The following DNAH14 variants were observed in gnomAD, a reference collection of about 807,000 sequenced individuals.
DNAH14 encodes the protein axonemal beta dynein heavy chain 14.
Under a neutral mutation model 520.9 loss-of-function variants are expected in DNAH14, and 478 were observed. The ratio of observed to expected loss-of-function variants is 0.92; its 90% CI spans 0.85 to 0.99. The LOEUF is 0.99. DNAH14 is among the 50% of genes least tolerant of loss of function. DNAH14 has a pLI of 0.00. For missense variants in DNAH14, 4,831 were observed against 5,234.5 expected, an observed-to-expected ratio of 0.92 and a Z score of 2.38; for synonymous variants, 1,581 against 1,757.2, an observed-to-expected ratio of 0.90 and a Z score of 2.51.
At chr1:225,362,170 T>TA (rs1395234907) in intron 75 of DNAH14, among the ~76,000 whole-genome samples, 2 of 151,826 alleles carry the variant, frequency 1.3e-5, no homozygotes, top group East Asian at 1.9e-4. Flanking sequence ...ACTGTGCTAA[T>TA]AAAAAAAAGA....
rs921037777 is a variant in DNAH14, at chr1:225,264,208, A to T, written c.7169A>T (p.Gln2390Leu). Reference sequence around the variant, plus strand: ...ATATTTCATTCCAGTAGCCTAAAACAGAATATCACCATCTTGATTCCTGAA... The same window carrying T: ...ATATTTCATTCCAGTAGCCTAAAACTGAATATCACCATCTTGATTCCTGAA... Reference protein sequence around the residue: ...SEIKKSSSLKQNITILIPETH... With the variant: ...SEIKKSSSLKLNITILIPETH... The change falls in exon 47 of 86, where the codon CAG becomes CTG. Residue 2390 changes from glutamine to leucine, a missense_variant. Physicochemically the swap from Gln to Leu is moderately radical, Grantham distance 113 (BLOSUM62 -2). Coordinates refer to ENST00000682510, the MANE Select transcript of DNAH14 (RefSeq NM_001367479.1). The T allele has an allele frequency of 8.1e-5, 125 of 1,549,906 alleles. No individual in the cohort carries two copies. Among genetic ancestry groups the T allele is most frequent in the Non-Finnish European group, 1.0e-4 (118 of 1,145,802 alleles).
chr1:225,029,179 A>G (rs1186837398), intron 11 of DNAH14, among the ~76,000 whole-genome samples: 1 of 151,996 alleles, frequency 6.6e-6, no homozygotes, highest in African/African-American at 2.4e-5. Flanking sequence ...TCAAAACACT[A>G]TATATTATAT....
chr1:225,243,271 G>A (rs2092077922), intron 43 of DNAH14, among the ~76,000 whole-genome samples: 1 of 151,956 alleles, frequency 6.6e-6, no homozygotes. Context: ...TTTGTCATCT[G>A]AAATATCAGT....
At chr1:225,239,697 AAG>A (rs1434757009) in intron 42 of DNAH14, among the ~76,000 whole-genome samples, 53 of 152,290 alleles carry the variant, frequency 3.5e-4, no homozygotes, top group African/African-American at 1.3e-3. Flanking sequence ...TTCTGTAAAA[AAG>A]GGATCATATC....
chr1:225,227,061 C>T (rs761758853), intron 41 of DNAH14, among the ~76,000 whole-genome samples: 5 of 152,108 alleles, frequency 3.3e-5, no homozygotes, highest in Non-Finnish European at 7.4e-5. Context: ...TTGGGTTTTA[C>T]ACCGAGACAT....
chr1:225,040,113 G>C (rs1221892473), intron 12 of DNAH14, among the ~76,000 whole-genome samples: 1 of 151,310 alleles, frequency 6.6e-6, no homozygotes, highest in African/African-American at 2.4e-5. Context: ...AATATTTTTT[G>C]TATTTTTAGT....
chr1:225,193,035 A>G, intron 38 of DNAH14, 124 bp downstream of exon 38: 1 of 756,880 alleles, frequency 1.3e-6, no homozygotes, highest in Non-Finnish European at 2.0e-6. Flanking sequence ...TTAAAATCTT[A>G]TGAATAGTTT....
intron 38 of DNAH14, among the ~76,000 whole-genome samples, chr1:225,201,237 T>A (rs1193408200): frequency 6.6e-6 from 1 of 152,072 alleles, no homozygotes; most frequent in African/African-American, 2.4e-5. Flanking sequence ...ATTTATGCTA[T>A]CTATTTCATT....
At chr1:224,945,143 A>G (rs2059709648) in intron 1 of DNAH14, among the ~76,000 whole-genome samples, 1 of 152,016 alleles carries the variant, frequency 6.6e-6, no homozygotes, top group African/African-American at 2.4e-5. Context: ...TCAGATGTAG[A>G]TTTGGTCTTT....
chr1:225,104,271 G>A (rs954625650), intron 23 of DNAH14, among the ~76,000 whole-genome samples: 1 of 152,170 alleles, frequency 6.6e-6, no homozygotes, highest in African/African-American at 2.4e-5. Flanking sequence ...TTGATGTGCT[G>A]CTGGATTCGG....
At position 225,211,464 on chromosome 1, in the gene DNAH14, A is replaced by T. The variant is rs571775286; in HGVS notation, c.6439+4244A>T. On this transcript the variant is annotated intron_variant, in intron 41 of 85. Coordinates refer to ENST00000682510, the MANE Select transcript of DNAH14 (RefSeq NM_001367479.1). ...TAGGATTAGAGAAAAAAGAATGAAA[A>T]GGAATGAACAAAGCCTCCAAGAAAT... 3.3e-5 allele frequency among the ~76,000 whole-genome samples: 5 copies of T among 152,304 alleles called. No individual in the cohort carries two copies. In the East Asian group the frequency reaches 9.6e-4, roughly 29 times the overall value.
At chr1:225,271,508 C>T (rs935178338) in intron 50 of DNAH14, among the ~76,000 whole-genome samples, 3 of 152,004 alleles carry the variant, frequency 2.0e-5, no homozygotes, top group Admixed American at 6.6e-5. Flanking sequence ...CAGAATTTTT[C>T]GAAGAATGTA....
rs190746041 is a variant in DNAH14, at chr1:225,032,227, C to G, written c.1359-6467C>G. Among the ~76,000 whole-genome samples the G allele has an allele frequency of 5.9e-5, 9 of 152,146 alleles. No individual in the cohort carries two copies. The East Asian group carries it at 1.7e-3, about 29-fold the overall frequency. ...ATGATCTTTTCTGCCCCTCTCCCTC[C>G]TTCTACCTTCCTGGCTCAAGTAGAC... is the stretch of plus-strand genomic sequence containing the variant. On this transcript the variant is annotated intron_variant, in intron 11 of 85. Coordinates refer to ENST00000682510, the MANE Select transcript of DNAH14 (RefSeq NM_001367479.1).
intron 58 of DNAH14, among the ~76,000 whole-genome samples, chr1:225,307,180 C>T (rs1000464768): frequency 1.3e-5 from 2 of 152,138 alleles, no homozygotes; most frequent in Non-Finnish European, 2.9e-5. Context: ...AGCATCTGTT[C>T]TTCAAGTTGA....
intron 1 of DNAH14, among the ~76,000 whole-genome samples, chr1:224,936,547 T>G (rs577010926): frequency 1.3e-5 from 2 of 151,868 alleles, no homozygotes; most frequent in African/African-American, 4.8e-5. Context: ...AACGAACCAA[T>G]AGGTAGTAAC....
Position 225,007,512 on chromosome 1 carries a change from G to T in DNAH14, c.1075G>T (p.Ala359Ser). 1.3e-6 allele frequency: 2 copies of T among 1,536,338 alleles called. No homozygotes were observed. The highest frequency in any genetic ancestry group is 8.8e-7 in the Non-Finnish European group (1 of 1,138,436). Residue 359 changes from alanine (A) to serine (S), a missense_variant, in exon 10 of 86, where the codon GCA becomes TCA. By Grantham distance (99) the Ala-to-Ser change is moderately conservative. Transcript: ENST00000682510. ...LKQLEDIRNKAISEMKSTFLK... is the reference protein window; with the variant it reads ...LKQLEDIRNKSISEMKSTFLK... ...ACAACTTGAGGACATCAGGAATAAA[G>T]CAATTTCAGAGATGAAAAGTACTTT...
intron 59 of DNAH14, 97 bp downstream of exon 59, chr1:225,307,666 A>G: frequency 1.1e-6 from 1 of 936,538 alleles, no homozygotes; most frequent in Non-Finnish European, 1.5e-6. Flanking sequence ...GACAGGCTAG[A>G]ATTCCAGCTT....
intron 52 of DNAH14, among the ~76,000 whole-genome samples, chr1:225,274,086 T>C (rs2093389804): frequency 6.6e-6 from 1 of 152,144 alleles, no homozygotes; most frequent in African/African-American, 2.4e-5. Context: ...GTTCTGTTTC[T>C]AGAACTTTGA....
intron 9 of DNAH14, among the ~76,000 whole-genome samples, chr1:225,003,718 T>A: frequency 6.6e-6 from 1 of 152,048 alleles, no homozygotes; most frequent in Non-Finnish European, 1.5e-5. Flanking sequence ...TAGATGTATA[T>A]TTTTTATACT....
Sources: allele counts gnomAD v4.1 joint callset (sites outside exome capture counted in the v4.1 genomes callset), GRCh38; gene constraint gnomAD v4.1.1; transcripts MANE v1.5; gene names NCBI Gene and HGNC (gene_info 2026-07-23, HGNC 2026-07-21).